SLC24A2: variants seen among roughly 807,000 people sequenced by gnomAD.
SLC24A2 encodes the protein solute carrier family 24 member 2.
SLC24A2 carries 36 observed loss-of-function variants against 62.0 expected under a neutral mutation model. The observed-to-expected ratio is 0.58, with a 90% CI of 0.44 to 0.77. SLC24A2 has a LOEUF of 0.77. Among genes scored for constraint, SLC24A2 ranks in the 30% least tolerant of loss-of-function variants. The pLI, the probability that SLC24A2 is intolerant of heterozygous loss-of-function variation, is 0.00. For missense variants in SLC24A2, 846 were observed against 817.9 expected, an observed-to-expected ratio of 1.03 and a Z score of -0.42; for synonymous variants, 358 against 294.0, an observed-to-expected ratio of 1.22 and a Z score of -2.23.
the SLC24A2 span, among the ~76,000 whole-genome samples, chr9:20,201,030 C>T: frequency 6.6e-6 from 1 of 152,264 alleles, no homozygotes; most frequent in South Asian, 2.1e-4. Flanking sequence ...GTGGCAGAGT[C>T]CAGTTTGCAT....
the SLC24A2 span, among the ~76,000 whole-genome samples, chr9:20,136,904 T>C: frequency 3.9e-5 from 6 of 152,122 alleles, no homozygotes; most frequent in Non-Finnish European, 8.8e-5. Flanking sequence ...TCACAAGGAC[T>C]TTACGCCGCA....
the SLC24A2 span, among the ~76,000 whole-genome samples, chr9:19,832,320 G>T: frequency 6.6e-6 from 1 of 152,214 alleles, no homozygotes. Flanking sequence ...TTGTATCAGT[G>T]AATGTTATAG....
At chr9:19,740,495 T>A (rs1206355110) in intron 2 of SLC24A2, among the ~76,000 whole-genome samples, 1 of 152,174 alleles carries the variant, frequency 6.6e-6, no homozygotes, top group East Asian at 1.9e-4. Flanking sequence ...ATTCTATGAA[T>A]CCACATATGC....
chr9:20,105,180 G>A, the SLC24A2 span, among the ~76,000 whole-genome samples: 6 of 152,238 alleles, frequency 3.9e-5, no homozygotes, highest in East Asian at 3.9e-4. Flanking sequence ...CAATACAGGA[G>A]CACCCAGATT....
chr9:20,162,032 G>A, the SLC24A2 span, among the ~76,000 whole-genome samples: 1 of 151,612 alleles, frequency 6.6e-6, no homozygotes, highest in South Asian at 2.1e-4. Context: ...GTAAACTCTG[G>A]AGAATCAATG....
At chr9:19,970,447 TTTC>T in the SLC24A2 span, among the ~76,000 whole-genome samples, 2 of 152,236 alleles carry the variant, frequency 1.3e-5, no homozygotes, top group Non-Finnish European at 2.9e-5. Flanking sequence ...GTGAGTGTTT[TTTC>T]TTTTTCTTAT....
chr9:19,935,700 C>G, the SLC24A2 span, among the ~76,000 whole-genome samples: 1 of 152,130 alleles, frequency 6.6e-6, no homozygotes, highest in African/African-American at 2.4e-5. Flanking sequence ...TTTACCAGAG[C>G]TGTCAGGAAT....
chr9:20,108,722 T>G, the SLC24A2 span, among the ~76,000 whole-genome samples: 1 of 142,548 alleles, frequency 7.0e-6, no homozygotes, highest in South Asian at 2.5e-4. Flanking sequence ...GGGGGAGGGA[T>G]AGCATTAGGA....
chr9:19,545,096 C>T (rs949918834), intron 8 of SLC24A2, among the ~76,000 whole-genome samples: 2 of 152,090 alleles, frequency 1.3e-5, no homozygotes, highest in Admixed American at 1.3e-4. Context: ...TTCACATAGT[C>T]CCATATTTCT....
chr9:20,015,109 C>T, the SLC24A2 span, among the ~76,000 whole-genome samples: 133 of 152,186 alleles, frequency 8.7e-4, no homozygotes, highest in Middle Eastern at 3.4e-3. Context: ...TCTTGTCTCC[C>T]GCCTTCACTG....
the SLC24A2 span, among the ~76,000 whole-genome samples, chr9:19,903,578 C>G: frequency 1.3e-5 from 2 of 152,178 alleles, no homozygotes; most frequent in Admixed American, 6.5e-5. Context: ...CTCAGGTAGG[C>G]TGCAGCAAGA....
At chr9:19,891,003 T>A in the SLC24A2 span, among the ~76,000 whole-genome samples, 1 of 152,212 alleles carries the variant, frequency 6.6e-6, no homozygotes, top group Non-Finnish European at 1.5e-5. Flanking sequence ...TCTCTGATCA[T>A]CTCCTACCCT....
At chr9:20,266,491 C>T in the SLC24A2 span, among the ~76,000 whole-genome samples, 51 of 152,118 alleles carry the variant, frequency 3.4e-4, no homozygotes, top group Admixed American at 5.2e-4. Flanking sequence ...TCTTAGACCA[C>T]GAAAAGCCCT....
At chr9:20,022,388 C>A in the SLC24A2 span, among the ~76,000 whole-genome samples, 1 of 152,104 alleles carries the variant, frequency 6.6e-6, no homozygotes, top group Non-Finnish European at 1.5e-5. Context: ...ACATTACTAA[C>A]CAAAGTTGAT....
chr9:19,560,663 G>A (rs936070963), intron 7 of SLC24A2, among the ~76,000 whole-genome samples: 3 of 152,094 alleles, frequency 2.0e-5, no homozygotes, highest in African/African-American at 7.2e-5. Flanking sequence ...CAAGTCTCTG[G>A]TATTTTTTTC....
At chr9:19,704,987 C>A (rs1330731246) in intron 2 of SLC24A2, among the ~76,000 whole-genome samples, 1 of 152,002 alleles carries the variant, frequency 6.6e-6, no homozygotes, top group Non-Finnish European at 1.5e-5. Context: ...GAAAGAGGAC[C>A]CAGCTGCTTT....
At chr9:19,885,005 G>A in the SLC24A2 span, among the ~76,000 whole-genome samples, 73 of 152,152 alleles carry the variant, frequency 4.8e-4, no homozygotes, top group Non-Finnish European at 8.4e-4. Context: ...GGATGGGACT[G>A]GCCATACAGG....
the SLC24A2 span, chr9:19,895,669 C>G: frequency 1.4e-6 from 1 of 715,406 alleles, no homozygotes; most frequent in South Asian, 2.5e-5. Context: ...CCTGCAGGCT[C>G]CTGCCTTCCT....
At chr9:20,130,315 A>C in the SLC24A2 span, among the ~76,000 whole-genome samples, 1 of 151,966 alleles carries the variant, frequency 6.6e-6, no homozygotes, top group South Asian at 2.1e-4. Flanking sequence ...TAATTTCACA[A>C]GCTCTCGGTG....
Sources: allele counts gnomAD v4.1 joint callset (sites outside exome capture counted in the v4.1 genomes callset), GRCh38; gene constraint gnomAD v4.1.1; transcripts MANE v1.5; gene names NCBI Gene and HGNC (gene_info 2026-07-23, HGNC 2026-07-21).